The following PDLIM5 variants were observed in gnomAD, a reference collection of about 807,000 sequenced individuals.
PDLIM5 encodes PDZ and LIM domain 5.
A neutral mutation model predicts 64.2 loss-of-function variants in PDLIM5; 34 were observed. That is an observed-to-expected ratio of 0.53 (90% CI 0.40 to 0.71). The LOEUF (loss-of-function observed/expected upper bound fraction) is 0.71. PDLIM5 is among the 30% of genes least tolerant of loss of function. The pLI, the probability that PDLIM5 is intolerant of heterozygous loss-of-function variation, is 0.00. For synonymous variants in PDLIM5, 253 were observed against 269.1 expected, an observed-to-expected ratio of 0.94 and a Z score of 0.59; for missense variants, 683 against 733.6, an observed-to-expected ratio of 0.93 and a Z score of 0.80.
intron 5 of PDLIM5, among the ~76,000 whole-genome samples, chr4:94,580,732 T>C (rs1350454562): frequency 6.6e-6 from 1 of 152,104 alleles, no homozygotes; most frequent in Non-Finnish European, 1.5e-5. Context: ...CATACCTTTC[T>C]CAAGTCACAC....
chr4:94,471,951 A>G (rs924857487), intron 2 of PDLIM5, among the ~76,000 whole-genome samples: 3 of 152,176 alleles, frequency 2.0e-5, no homozygotes, highest in African/African-American at 2.4e-5. Context: ...TGTACTTACA[A>G]AGACCTTATA....
At position 94,667,266 on chromosome 4, in the gene PDLIM5, A is replaced by C. The variant is rs1236617305; in HGVS notation, c.*3199A>C. ...TGGTCTGAATGTTGCCTGCTGAAGTAGCAACCTAAAAAGTATCCCCTGCTT... is the reference window on the plus strand; with the variant it reads ...TGGTCTGAATGTTGCCTGCTGAAGTCGCAACCTAAAAAGTATCCCCTGCTT... On this transcript the variant is annotated 3_prime_UTR_variant, in exon 13 of 13. Coordinates refer to ENST00000317968, the MANE Select transcript of PDLIM5 (RefSeq NM_006457.5). The C allele has an allele frequency of 2.0e-5, 3 of 152,196 alleles. No homozygotes were observed. Among genetic ancestry groups the C allele is most frequent in the African/African-American group, 7.2e-5 (3 of 41,456 alleles). The allele number at this position is 152,196 out of a possible 1,614,324, so 9.4% of individuals were successfully genotyped here.
intron 3 of PDLIM5, among the ~76,000 whole-genome samples, chr4:94,561,129 C>T (rs1301524107): frequency 3.9e-5 from 6 of 152,078 alleles, no homozygotes; most frequent in South Asian, 4.1e-4. Flanking sequence ...CCTTCCACCT[C>T]GTTACAAATA....
At chr4:94,599,076 A>G (rs1281335035) in intron 7 of PDLIM5, among the ~76,000 whole-genome samples, 2 of 152,174 alleles carry the variant, frequency 1.3e-5, no homozygotes, top group Non-Finnish European at 2.9e-5. Flanking sequence ...TAAGGAGTTC[A>G]GATTATTTTT....
chr4:94,596,058 C>T (rs1309546958), intron 7 of PDLIM5, among the ~76,000 whole-genome samples: 2 of 152,112 alleles, frequency 1.3e-5, no homozygotes, highest in Non-Finnish European at 2.9e-5. Flanking sequence ...TATGCAAATA[C>T]TGTTTTGCTG....
rs1274638171 is a variant in PDLIM5 at position 94,466,028 on chromosome 4, C to T, written c.96+10644C>T. 3.3e-5 allele frequency among the ~76,000 whole-genome samples: 5 copies of T among 151,926 alleles called. No homozygotes were observed. In the East Asian group the frequency reaches 5.8e-4, roughly 18 times the overall value. ...ATGGGCTGGAGTGCAGTGGCACTGT[C>T]ACAGCTCACTACATCCTTGACCTTC... On this transcript the variant is annotated intron_variant, in intron 2 of 12. Coordinates refer to ENST00000317968, the MANE Select transcript of PDLIM5 (RefSeq NM_006457.5).
intron 3 of PDLIM5, among the ~76,000 whole-genome samples, chr4:94,534,127 C>T (rs554294527): frequency 6.6e-6 from 1 of 152,246 alleles, no homozygotes; most frequent in African/African-American, 2.4e-5. Flanking sequence ...GTTTATTCTG[C>T]TAACTCCTCG....
intron 2 of PDLIM5, among the ~76,000 whole-genome samples, chr4:94,474,514 G>A (rs769956573): frequency 1.4e-4 from 21 of 152,180 alleles, no homozygotes; most frequent in Admixed American, 2.6e-4. Flanking sequence ...GCTTCCCAAA[G>A]TGCTGTGATT....
Position 94,479,016 on chromosome 4 carries a change from C to CA in PDLIM5, c.96+23633dup, listed in dbSNP as rs577834572. Among the ~76,000 whole-genome samples, 11 of 149,908 alleles carry CA rather than the reference C, an allele frequency of 7.3e-5. No individual in the cohort carries two copies. In the South Asian group the frequency reaches 2.3e-3, roughly 32 times the overall value. ...CTGAGCTCAAATGACCCTCCTGCCT[C>CA]AGCCTTATGAGTAGCTGGGACCACA... On this transcript the variant is annotated intron_variant, in intron 2 of 12. Transcript: ENST00000317968.
At chr4:94,596,936 A>G (rs969967566) in intron 7 of PDLIM5, among the ~76,000 whole-genome samples, 8 of 152,052 alleles carry the variant, frequency 5.3e-5, no homozygotes, top group Non-Finnish European at 7.4e-5. Flanking sequence ...ATTAAAGGGT[A>G]TTGTTTGAAT....
chr4:94,557,390 C>A (rs1283064826), intron 3 of PDLIM5, among the ~76,000 whole-genome samples: 1 of 152,124 alleles, frequency 6.6e-6, no homozygotes, highest in Non-Finnish European at 1.5e-5. Context: ...GCAATGTGGG[C>A]TGTTTTTTGG....
chr4:94,564,673 T>TTTTTTTTTTTTTTTG (rs1195951922), intron 3 of PDLIM5, among the ~76,000 whole-genome samples: 5 of 144,856 alleles, frequency 3.5e-5, no homozygotes, highest in African/African-American at 1.4e-4. Flanking sequence ...TTTTTTTTTT[T>TTTTTTTTTTTTTTTG]TTGACAGAGT....
At position 94,524,368 on chromosome 4, in the gene PDLIM5, CAA is replaced by C. The variant is rs34215993; in HGVS notation, c.248+518_248+519del. 2.0e-3 allele frequency among the ~76,000 whole-genome samples: 151 copies of C among 77,198 alleles called. 2 individuals carry two copies. The highest frequency in any genetic ancestry group is 5.6e-3 in the East Asian group (13 of 2,322). 50.6% of individuals were successfully genotyped at this position (77,198 alleles called of 152,430 possible). A position where few individuals can be genotyped will look rare whatever the true frequency, so the allele number is the denominator to read the frequency against. ...TGGGTGACAGAACGAGACCCTGTCT[CAA>C]AAAAAAAAAAAAAAAAAAAAAAAAT... On this transcript the variant is annotated intron_variant, in intron 3 of 12. Coordinates refer to ENST00000317968, the MANE Select transcript of PDLIM5 (RefSeq NM_006457.5).
At chr4:94,530,996 C>G (rs776596027) in intron 3 of PDLIM5, among the ~76,000 whole-genome samples, 1 of 152,016 alleles carries the variant, frequency 6.6e-6, no homozygotes, top group Non-Finnish European at 1.5e-5. Context: ...TTTTTTCAAT[C>G]GAAGTTTTCA....
In PDLIM5 at chr4:94,564,522, G is replaced by C. The variant is rs1264718143; in HGVS notation, c.249-8829G>C. On this transcript the variant is annotated intron_variant, in intron 3 of 12. Coordinates refer to ENST00000317968, the MANE Select transcript of PDLIM5 (RefSeq NM_006457.5). ...TAGAGAGGCCTTCTCTGACCCTTTTGTATAAAATAGTGTGTCCTTTCCTGT... is the reference window on the plus strand; with the variant it reads ...TAGAGAGGCCTTCTCTGACCCTTTTCTATAAAATAGTGTGTCCTTTCCTGT... Among the ~76,000 whole-genome samples, 2 of 152,018 alleles carry C rather than the reference G, an allele frequency of 1.3e-5. 1 individual carries two copies. The highest frequency in any genetic ancestry group is 4.8e-5 in the African/African-American group (2 of 41,398).
At chr4:94,648,481 G>A (rs536201033) in intron 9 of PDLIM5, among the ~76,000 whole-genome samples, 178 of 152,196 alleles carry the variant, frequency 1.2e-3, no homozygotes, top group South Asian at 1.7e-3. Flanking sequence ...CACCATGCTC[G>A]GCTAATTTTT....
At chr4:94,564,918 A>G (rs1449173485) in intron 3 of PDLIM5, among the ~76,000 whole-genome samples, 1 of 151,754 alleles carries the variant, frequency 6.6e-6, no homozygotes, top group East Asian at 1.9e-4. Flanking sequence ...GGCCTCCCAA[A>G]GTGCTGGGAT....
At position 94,599,171 on chromosome 4, in the gene PDLIM5, A is replaced by G. The variant is rs563647436; in HGVS notation, c.920+12727A>G. On this transcript the variant is annotated intron_variant, in intron 7 of 12. Coordinates refer to ENST00000317968, the MANE Select transcript of PDLIM5 (RefSeq NM_006457.5). The stretch of plus-strand genomic sequence containing the variant: ...TTTTTAACAGATCACCCTGAATACT[A>G]TGGAAAATTAATTGTAAGGGAGAAA... Among the ~76,000 whole-genome samples the G allele has an allele frequency of 4.6e-5, 7 of 152,306 alleles. No individual in the cohort carries two copies. The South Asian group carries it at 1.2e-3, about 27-fold the overall frequency.
rs1037833999 is a variant in PDLIM5, at chr4:94,455,838, G to A, written c.96+454G>A. On this transcript the variant is annotated intron_variant, in intron 2 of 12. Transcript: ENST00000317968. Reference sequence around the variant, plus strand: ...CCTCAGCTCACTTTCTGGTGGAGGTGATAGCCAACAGTAAGATGGCCAAAA... The same window carrying A: ...CCTCAGCTCACTTTCTGGTGGAGGTAATAGCCAACAGTAAGATGGCCAAAA... 7.0e-6 allele frequency: 10 copies of A among 1,432,278 alleles called. No homozygotes were observed. In the African/African-American group the frequency reaches 8.4e-5, roughly 12 times the overall value. The allele number at this position is 1,432,278 out of a possible 1,614,324, so 88.7% of individuals were successfully genotyped here.
Sources: allele counts gnomAD v4.1 joint callset (sites outside exome capture counted in the v4.1 genomes callset), GRCh38; gene constraint gnomAD v4.1.1; transcripts MANE v1.5; gene names NCBI Gene and HGNC (gene_info 2026-07-23, HGNC 2026-07-21).